The following AGAP1 variants were observed in gnomAD, a reference collection of about 807,000 sequenced individuals.
AGAP1 encodes arf-GAP with GTPase, ANK repeat and PH domain-containing protein 1.
A neutral mutation model predicts 105.3 loss-of-function variants in AGAP1; 29 were observed. The ratio of observed to expected loss-of-function variants is 0.28; its 90% confidence interval spans 0.21 to 0.38. The LOEUF (loss-of-function observed/expected upper bound fraction) is 0.38. Among genes scored for constraint, AGAP1 ranks in the 10% least tolerant of loss-of-function variants. The pLI is 1.00. For synonymous variants in AGAP1, 509 were observed against 485.9 expected (o/e 1.05, Z -0.63); for missense variants, 998 against 1,165.1 (o/e 0.86, Z 2.09).
intron 9 of AGAP1, among the ~76,000 whole-genome samples, chr2:235,829,176 T>C (rs904399295): frequency 6.6e-6 from 1 of 152,262 alleles, no homozygotes; most frequent in Admixed American, 6.5e-5. Context: ...TGGCTGACCT[T>C]GGACTTGCAG....
rs905153419 is a variant in AGAP1, at chr2:235,601,989, C to G, written c.163+107140C>G. ...GACCCCTAAAACCCAAGTCCAATCA[C>G]ATTACTCCTGGGCCTCACACCTGCA... On this transcript the variant is annotated intron_variant, in intron 1 of 17. Transcript: ENST00000304032. This position sits in a 1 kb window ranked among gnomAD's most constrained non-coding sequence, Gnocchi z 4.4. Among the ~76,000 whole-genome samples the G allele has an allele frequency of 1.3e-5, 2 of 152,182 alleles. No individual in the cohort carries two copies. The highest frequency in any genetic ancestry group is 4.8e-5 in the African/African-American group (2 of 41,456).
rs2048639202 is a variant in AGAP1 at position 235,855,269 on chromosome 2, G to A, written c.1051-28076G>A. Among the ~76,000 whole-genome samples the A allele has an allele frequency of 6.6e-6, 1 of 152,198 alleles. No individual in the cohort carries two copies. The highest frequency in any genetic ancestry group is 2.1e-4 in the South Asian group (1 of 4,822). Reference sequence around the variant, plus strand: ...GTCATCCCTGTGATCAGTAACAAAAGTCTACCTGGAAAATGGTTACTTTGA... The same window carrying A: ...GTCATCCCTGTGATCAGTAACAAAAATCTACCTGGAAAATGGTTACTTTGA... On this transcript the variant is annotated intron_variant, in intron 9 of 17. Coordinates refer to ENST00000304032, the MANE Select transcript of AGAP1 (RefSeq NM_001037131.3). This position sits in a 1 kb window ranked among gnomAD's most constrained non-coding sequence, Gnocchi z 5.0.
intron 1 of AGAP1, among the ~76,000 whole-genome samples, chr2:235,528,356 C>T (rs1942924091): frequency 6.9e-6 from 1 of 145,896 alleles, no homozygotes; most frequent in Non-Finnish European, 1.5e-5. Context: ...GCCCCCTCCC[C>T]CTCCCCCGCC....
chr2:235,723,800 T>TGGTC lies in AGAP1; in HGVS notation c.310+6158_310+6161dup, dbSNP rs1553614578. Among the ~76,000 whole-genome samples the TGGTC allele has an allele frequency of 2.5e-4, 38 of 151,098 alleles. No individual in the cohort carries two copies. The highest frequency in any genetic ancestry group is 4.7e-4 in the African/African-American group (19 of 40,838). ...TTGGTTGGTTGGTTGGTTGGTTGGT[T>TGGTC]GGTCGATCGACAGAGACTTAAGAAT... On this transcript the variant is annotated intron_variant, in intron 3 of 17. Transcript: ENST00000304032. The surrounding 1 kb of genome is among the most constrained non-coding windows in gnomAD (Gnocchi z 6.2).
At chr2:236,041,148 G>T (rs1280298128) in intron 15 of AGAP1, among the ~76,000 whole-genome samples, 3 of 152,064 alleles carry the variant, frequency 2.0e-5, no homozygotes. Flanking sequence ...AATCTAGGAA[G>T]CCCAGGAATT....
At position 235,973,494 on chromosome 2, in the gene AGAP1, TGTGACTGGGCAGGATG is replaced by T. The variant is rs2054737804; in HGVS notation, c.1645+4877_1645+4892del. Among the ~76,000 whole-genome samples, 1 of 151,996 alleles carries T rather than the reference TGTGACTGGGCAGGATG, an allele frequency of 6.6e-6. No homozygotes were observed. The highest frequency in any genetic ancestry group is 1.5e-5 in the Non-Finnish European group (1 of 67,990). ...TGAGACCAATGGAAGGAAATTGAGA[TGTGACTGGGCAGGATG>T]GTGACAGGGCCTGAAGCCTATGCAT... is the stretch of plus-strand genomic sequence containing the variant. On this transcript the variant is annotated intron_variant, in intron 13 of 17. Transcript: ENST00000304032. The surrounding 1 kb of genome is among the most constrained non-coding windows in gnomAD (Gnocchi z 4.7).
At chr2:235,881,256 T>C (rs1423172820) in intron 9 of AGAP1, among the ~76,000 whole-genome samples, 1 of 152,210 alleles carries the variant, frequency 6.6e-6, no homozygotes, top group African/African-American at 2.4e-5. Flanking sequence ...TATCCCATAA[T>C]AATTATTCAT....
At chr2:235,815,943 C>T (rs1958426696) in intron 9 of AGAP1, among the ~76,000 whole-genome samples, 1 of 152,202 alleles carries the variant, frequency 6.6e-6, no homozygotes, top group South Asian at 2.1e-4. Context: ...AAGCTCCCTT[C>T]CCTTGCGGAG....
At position 236,027,952 on chromosome 2, in the gene AGAP1, A is replaced by T. The variant is rs1362697717; in HGVS notation, c.1646-8609A>T. 6.6e-6 allele frequency among the ~76,000 whole-genome samples: 1 copy of T among 151,970 alleles called. No homozygotes were observed. The highest frequency in any genetic ancestry group is 1.5e-5 in the Non-Finnish European group (1 of 68,000). On this transcript the variant is annotated intron_variant, in intron 13 of 17. Transcript: ENST00000304032. This position sits in a 1 kb window ranked among gnomAD's most constrained non-coding sequence, Gnocchi z 4.4. ...TATCACAGAGCTGTTGGTCCCGGGGATTGCGATTCGTGTCTTTATTTCTTC... is the reference window on the plus strand; with the variant it reads ...TATCACAGAGCTGTTGGTCCCGGGGTTTGCGATTCGTGTCTTTATTTCTTC...
In AGAP1 at chr2:236,124,037, G is replaced by C. The variant is rs771654850; in HGVS notation, c.2489G>C (p.Arg830Pro). The C allele has an allele frequency of 8.7e-6, 14 of 1,613,926 alleles. No individual in the cohort carries two copies. In the Admixed American group the frequency reaches 2.3e-4, roughly 27 times the overall value. The change falls in exon 18 of 18, where the codon CGC becomes CCC. Residue 830 changes from arginine to proline, a missense_variant. Coordinates refer to ENST00000304032, the MANE Select transcript of AGAP1 (RefSeq NM_001037131.3). The surrounding 1 kb of genome is among the most constrained non-coding windows in gnomAD (Gnocchi z 5.1). ...VLLQYGCPDERFVLMATPNLS... is the reference protein window; with the variant it reads ...VLLQYGCPDEPFVLMATPNLS... Reference sequence around the variant, plus strand: ...CTGCAGTACGGCTGCCCCGACGAGCGCTTCGTGCTCATGGCCACCCCTAAC... The same window carrying C: ...CTGCAGTACGGCTGCCCCGACGAGCCCTTCGTGCTCATGGCCACCCCTAAC...
At chr2:235,884,461 T>TTTGTTTGTTTG (rs1262757232) in intron 10 of AGAP1, among the ~76,000 whole-genome samples, 4 of 149,924 alleles carry the variant, frequency 2.7e-5, no homozygotes, top group African/African-American at 9.8e-5. Flanking sequence ...TGTTTTTTTT[T>TTTGTTTGTTTG]TTTTTTTTGA....
rs754757135 is a variant in AGAP1 at position 235,753,415 on chromosome 2, C to T, written c.673+2927C>T. On this transcript the variant is annotated intron_variant, in intron 6 of 17. Transcript: ENST00000304032. The surrounding 1 kb of genome is among the most constrained non-coding windows in gnomAD (Gnocchi z 4.5). ...AAATAATACACTCTCATTATGTATT[C>T]GGATTTTGGCTGGGCGCAGTGGCTC... is the stretch of plus-strand genomic sequence containing the variant. Among the ~76,000 whole-genome samples, 17 of 152,152 alleles carry T rather than the reference C, an allele frequency of 1.1e-4. No homozygotes were observed. Among genetic ancestry groups the T allele is most frequent in the South Asian group, 2.1e-4 (1 of 4,816 alleles).
At chr2:235,829,624 T>G (rs1959193320) in intron 9 of AGAP1, among the ~76,000 whole-genome samples, 1 of 152,214 alleles carries the variant, frequency 6.6e-6, no homozygotes, top group African/African-American at 2.4e-5. Flanking sequence ...GCGAAGAGAT[T>G]TTTTATAAGT....
chr2:235,515,001 G>A (rs1306506739), intron 1 of AGAP1, among the ~76,000 whole-genome samples: 1 of 152,182 alleles, frequency 6.6e-6, no homozygotes, highest in African/African-American at 2.4e-5. Context: ...CCACCATTTT[G>A]GGAATCTTTT....
intron 9 of AGAP1, among the ~76,000 whole-genome samples, chr2:235,833,279 C>T (rs947646973): frequency 1.3e-5 from 2 of 152,190 alleles, no homozygotes; most frequent in East Asian, 1.9e-4. Flanking sequence ...CGGGACCACA[C>T]GTGGCCAAAT....
intron 11 of AGAP1, among the ~76,000 whole-genome samples, chr2:235,920,711 C>A (rs571810269): frequency 5.5e-4 from 84 of 152,272 alleles, no homozygotes; most frequent in South Asian, 1.9e-3. Flanking sequence ...TGAAGAGACA[C>A]CATTACAAGG....
chr2:236,060,713 A>G (rs1364023879), intron 16 of AGAP1, among the ~76,000 whole-genome samples: 1 of 152,068 alleles, frequency 6.6e-6, no homozygotes, highest in African/African-American at 2.4e-5. Context: ...AAAAATTTAA[A>G]TTAAAAAAAA....
intron 1 of AGAP1, among the ~76,000 whole-genome samples, chr2:235,595,709 T>A (rs1303598882): frequency 6.6e-6 from 1 of 152,200 alleles, no homozygotes; most frequent in Admixed American, 6.5e-5. Context: ...ATAAATCCCC[T>A]GCTGATATGG....
chr2:236,033,646 G>A (rs1018612780), intron 13 of AGAP1, among the ~76,000 whole-genome samples: 4 of 152,224 alleles, frequency 2.6e-5, no homozygotes, highest in African/African-American at 9.6e-5. Context: ...CGTTTAGAGG[G>A]CACAGGCTTC....
Sources: gnomAD v4.1 joint callset for allele counts (sites outside exome capture counted in the v4.1 genomes callset) on GRCh38, gnomAD v4.1.1 for gene constraint, Gnocchi (gnomAD v3.1) non-coding constraint, MANE v1.5 for transcripts, NCBI Gene and HGNC (gene_info 2026-07-23, HGNC 2026-07-21) for gene names.